The following NPAS3 variants were observed in gnomAD, a reference collection of about 807,000 sequenced individuals.
NPAS3 encodes the protein neuronal PAS domain protein 3.
Under a neutral mutation model 73.1 loss-of-function variants are expected in NPAS3, and 14 were observed. The observed-to-expected ratio is 0.19, with a 90% CI of 0.13 to 0.30. The LOEUF is 0.30. Ranked by LOEUF, NPAS3 falls within the 10% of genes least tolerant of loss-of-function variation. The pLI, the probability that NPAS3 is intolerant of heterozygous loss-of-function variation, is 1.00. For missense variants in NPAS3, 1,096 were observed against 1,250.0 expected, an observed-to-expected ratio of 0.88 and a Z score of 1.86; for synonymous variants, 620 against 541.5, an observed-to-expected ratio of 1.14 and a Z score of -2.01.
At position 33,168,737 on chromosome 14, in the gene NPAS3, TCCTCTTCC is replaced by T. The variant is rs202140513; in HGVS notation, c.141-46428_141-46421del. On this transcript the variant is annotated intron_variant, in intron 2 of 11. Coordinates refer to ENST00000356141, the Ensembl canonical transcript of NPAS3. Reference sequence around the variant, plus strand: ...TCCTTTTTCCCGCTTCACACCTATGTCCTCTTCCCCTCTTCCCCTCTTCCTTCTGCCAT... The same window carrying T: ...TCCTTTTTCCCGCTTCACACCTATGTCCTCTTCCCCTCTTCCTTCTGCCAT... 4.0e-3 allele frequency among the ~76,000 whole-genome samples: 608 copies of T among 152,270 alleles called. 4 individuals are homozygous for T. The highest frequency in any genetic ancestry group is 0.036 in the East Asian group (186 of 5,164).
At chr14:33,707,724 A>G (rs1416124069) in intron 6 of NPAS3, among the ~76,000 whole-genome samples, 1 of 152,248 alleles carries the variant, frequency 6.6e-6, no homozygotes, top group African/African-American at 2.4e-5. Context: ...AATAAATTCA[A>G]AGAACAAAGA....
intron 3 of NPAS3, among the ~76,000 whole-genome samples, chr14:33,219,824 G>GTC: frequency 6.6e-6 from 1 of 152,240 alleles, no homozygotes. Flanking sequence ...AAATTAGATA[G>GTC]CATTTTATAA....
At chr14:33,694,274 A>G (rs1264338306) in intron 6 of NPAS3, among the ~76,000 whole-genome samples, 1 of 152,204 alleles carries the variant, frequency 6.6e-6, no homozygotes, top group African/African-American at 2.4e-5. Context: ...CTAAGAAATG[A>G]TATGTGTTAG....
chr14:33,800,857 T>C lies in NPAS3; in HGVS notation c.2550T>C (p.Ala850=). Residue 850 remains alanine, a synonymous_variant, in exon 12 of 12, where the codon GCT becomes GCC. Transcript: ENST00000356141. This position sits in a 1 kb window ranked among gnomAD's most constrained non-coding sequence, Gnocchi z 6.5. ...GCAACCTGCTGCCCAACGCGCACGC[T>C]GTTAACTTCGTGGACGTTAACAGCC... is the stretch of plus-strand genomic sequence containing the variant. The C allele has an allele frequency of 6.2e-7, 1 of 1,606,122 alleles. No homozygotes were observed. Among genetic ancestry groups the C allele is most frequent in the Non-Finnish European group, 8.5e-7 (1 of 1,176,814 alleles).
chr14:33,603,305 G>A (rs2057457106), intron 5 of NPAS3, among the ~76,000 whole-genome samples: 1 of 152,136 alleles, frequency 6.6e-6, no homozygotes. Context: ...GAAATACAGA[G>A]GGAAAAGTGA....
chr14:33,264,087 C>T lies in NPAS3; in HGVS notation c.385+48661C>T, dbSNP rs188383470. 7.2e-4 allele frequency among the ~76,000 whole-genome samples: 110 copies of T among 152,176 alleles called. 1 individual carries two copies. The East Asian group carries it at 0.02, about 28-fold the overall frequency. On this transcript the variant is annotated intron_variant, in intron 3 of 11. Coordinates refer to ENST00000356141, the Ensembl canonical transcript of NPAS3. Reference sequence around the variant, plus strand: ...CACATATGCACCATGGAATACTATGCGGCCATAAAAAATGATGAGTTCATA... The same window carrying T: ...CACATATGCACCATGGAATACTATGTGGCCATAAAAAATGATGAGTTCATA...
At chr14:33,507,564 ACT>A (rs2052826449) in intron 4 of NPAS3, among the ~76,000 whole-genome samples, 1 of 151,968 alleles carries the variant, frequency 6.6e-6, no homozygotes, top group Non-Finnish European at 1.5e-5. Context: ...TTATTATATA[ACT>A]AGTAGAAAGA....
chr14:33,643,259 TGTC>T (rs1172839786), intron 5 of NPAS3, among the ~76,000 whole-genome samples: 2 of 151,836 alleles, frequency 1.3e-5, no homozygotes, highest in Non-Finnish European at 2.9e-5. Context: ...CAGGAATAGT[TGTC>T]AACTTAAATA....
intron 7 of NPAS3, among the ~76,000 whole-genome samples, chr14:33,751,362 A>C (rs1463317681): frequency 1.3e-5 from 2 of 152,222 alleles, no homozygotes; most frequent in Admixed American, 1.3e-4. Flanking sequence ...CATTCTGCCA[A>C]CATGAGTGCA....
intron 1 of NPAS3, among the ~76,000 whole-genome samples, chr14:33,037,481 C>CAA (rs11341910): frequency 2.0e-4 from 19 of 96,994 alleles, no homozygotes; most frequent in Non-Finnish European, 3.8e-4. Flanking sequence ...CCCATCTCAG[C>CAA]AAAAAAAAAA....
At chr14:33,164,721 GA>G (rs2045054593) in intron 2 of NPAS3, among the ~76,000 whole-genome samples, 1 of 152,206 alleles carries the variant, frequency 6.6e-6, no homozygotes, top group South Asian at 2.1e-4. Flanking sequence ...TACTGATGAG[GA>G]AATCATGGCC....
chr14:33,000,116 G>A (rs959209544), intron 1 of NPAS3, among the ~76,000 whole-genome samples: 3 of 152,178 alleles, frequency 2.0e-5, no homozygotes, highest in African/African-American at 7.2e-5. Flanking sequence ...GCTGGCAACA[G>A]GATTTAATGG....
chr14:32,977,142 G>T lies in NPAS3; in HGVS notation c.50+37776G>T, dbSNP rs139408750. Reference sequence around the variant, plus strand: ...TTAGATTGCAACAACTAAAAACACTGATTTGTCACTATAATTATGAATATA... The same window carrying T: ...TTAGATTGCAACAACTAAAAACACTTATTTGTCACTATAATTATGAATATA... On this transcript the variant is annotated intron_variant, in intron 1 of 11. Transcript: ENST00000356141. Among the ~76,000 whole-genome samples the T allele has an allele frequency of 2.0e-4, 30 of 150,302 alleles. No homozygotes were observed. The East Asian group carries it at 5.7e-3, about 29-fold the overall frequency.
downstream of NPAS3, chr14:33,803,355 G>A (rs2063758878): frequency 6.6e-6 from 1 of 152,320 alleles, no homozygotes; most frequent in East Asian, 1.9e-4. Flanking sequence ...ATATCACTGT[G>A]TTGAGTAGAT....
intron 1 of NPAS3, among the ~76,000 whole-genome samples, chr14:32,959,119 T>G (rs2036802328): frequency 6.6e-6 from 1 of 152,262 alleles, no homozygotes; most frequent in Non-Finnish European, 1.5e-5. Context: ...TCTTGTTTGC[T>G]TTGACCAGTG....
intron 1 of NPAS3, among the ~76,000 whole-genome samples, chr14:33,045,564 G>A (rs2040480543): frequency 6.6e-6 from 1 of 152,142 alleles, no homozygotes; most frequent in South Asian, 2.1e-4. Flanking sequence ...ACTTCAGGTT[G>A]TATTGACATC....
intron 1 of NPAS3, among the ~76,000 whole-genome samples, chr14:32,961,464 C>A (rs943552275): frequency 2.0e-5 from 3 of 151,542 alleles, no homozygotes; most frequent in African/African-American, 4.9e-5. Flanking sequence ...TGTAGTACTG[C>A]CACCTTATAT....
intron 3 of NPAS3, among the ~76,000 whole-genome samples, chr14:33,301,604 G>C (rs1232640444): frequency 6.6e-6 from 1 of 151,906 alleles, no homozygotes; most frequent in Admixed American, 6.6e-5. Flanking sequence ...ATTTGGATTT[G>C]AATTTAACTA....
At chr14:33,669,471 C>G (rs903294854) in intron 5 of NPAS3, among the ~76,000 whole-genome samples, 1 of 152,098 alleles carries the variant, frequency 6.6e-6, no homozygotes. Context: ...ACTGATGTCT[C>G]TTAAGGAAAA....
Sources: allele counts gnomAD v4.1 joint callset (sites outside exome capture counted in the v4.1 genomes callset), GRCh38; gene constraint gnomAD v4.1.1; non-coding constraint Gnocchi (gnomAD v3.1); transcripts MANE v1.5; gene names NCBI Gene and HGNC (gene_info 2026-07-23, HGNC 2026-07-21).